ARFGAP3: variants seen among roughly 807,000 people sequenced by gnomAD.
ARFGAP3 encodes the protein ARF GTPase activating protein 3.
A neutral mutation model predicts 75.0 loss-of-function variants in ARFGAP3; 72 were observed. The observed-to-expected ratio is 0.96, with a 90% CI of 0.79 to 1.17. The LOEUF (loss-of-function observed/expected upper bound fraction) is 1.17. Among genes scored for constraint, ARFGAP3 ranks in the 50% most tolerant of loss-of-function variants. The probability of loss-of-function intolerance (pLI) is 0.00; values close to 1 mark genes in which losing one functional copy is unlikely to be tolerated. For missense variants in ARFGAP3, 620 were observed against 626.6 expected (o/e 0.99, Z 0.11); for synonymous variants, 221 against 217.9 (o/e 1.01, Z -0.13).
chr22:42,805,888 C>T (rs1218824173), intron 14 of ARFGAP3, among the ~76,000 whole-genome samples: 4 of 152,222 alleles, frequency 2.6e-5, no homozygotes, highest in Non-Finnish European at 4.4e-5. Flanking sequence ...GTCTCACTTG[C>T]TGCCACCTGG....
At chr22:42,831,832 G>A in intron 5 of ARFGAP3, 196 bp from the exon 6 acceptor site, 1 of 760,042 alleles carries the variant, frequency 1.3e-6, no homozygotes, top group Non-Finnish European at 1.6e-6. Flanking sequence ...GCCCAGGCTA[G>A]AGTGCAGAAG....
Position 42,798,824 on chromosome 22 carries a change from T to C in ARFGAP3, c.1533+215A>G, listed in dbSNP as rs569482636. 4.6e-5 allele frequency among the ~76,000 whole-genome samples: 7 copies of C among 152,338 alleles called. No homozygotes were observed. In the South Asian group the frequency reaches 1.4e-3, roughly 32 times the overall value. ...AAAACTGGACAATGGTCATGACAAT[T>C]CCTCTAACAATTCCCCTAGAGTCAT... is the stretch of plus-strand genomic sequence containing the variant. On this transcript the variant is annotated intron_variant, in intron 15 of 15. Transcript: ENST00000263245.
intron 9 of ARFGAP3, among the ~76,000 whole-genome samples, chr22:42,819,950 G>A (rs999388716): frequency 1.3e-4 from 20 of 152,234 alleles, no homozygotes; most frequent in African/African-American, 3.4e-4. Context: ...TAAATCTTCC[G>A]ATCTGCATCT....
At position 42,808,803 on chromosome 22, in the gene ARFGAP3, T is replaced by C. The variant is rs142070942; in HGVS notation, c.1284A>G (p.Ser428=). 2 of 1,613,724 alleles carry C rather than the reference T, an allele frequency of 1.2e-6. No individual in the cohort carries two copies. The highest frequency in any genetic ancestry group is 1.7e-5 in the Admixed American group (1 of 59,998). ...QKKFGNVKAI[S]SDMYFGRQSQ... ...ATTGTCTTCCAAAATACATATCTGA[T>C]GAAATGGCCTTGACATTGCCAAACT... Residue 428 remains serine (S), a synonymous_variant, in exon 13 of 16, where the codon TCA becomes TCG. Coordinates refer to ENST00000263245, the MANE Select transcript of ARFGAP3 (RefSeq NM_014570.5).
chr22:42,836,973 A>T (rs1926546333), intron 3 of ARFGAP3, among the ~76,000 whole-genome samples: 1 of 152,214 alleles, frequency 6.6e-6, no homozygotes, highest in African/African-American at 2.4e-5. Context: ...AAACCGAATG[A>T]CCACTCATCT....
rs370470097 is a variant in ARFGAP3, at chr22:42,840,996, T to C, written c.209A>G (p.Asn70Ser). The C allele has an allele frequency of 1.1e-5, 18 of 1,614,044 alleles. No individual in the cohort carries two copies. Among genetic ancestry groups the C allele is most frequent in the East Asian group, 2.2e-5 (1 of 44,898 alleles). Residue 70 changes from asparagine (N) to serine (S), a missense_variant, in exon 3 of 16, where the codon AAC (asparagine) becomes AGC (serine). Coordinates refer to ENST00000263245, the MANE Select transcript of ARFGAP3 (RefSeq NM_014570.5). ...GCATCGCAACTGAAACCATGACCAG[T>C]TGGAATCCAACTCTGTAGATCTAAA... is the stretch of plus-strand genomic sequence containing the variant. ...SFIRSTELDS[N>S]WSWFQLRCMQ...
At chr22:42,837,634 A>C (rs1307194056) in intron 3 of ARFGAP3, among the ~76,000 whole-genome samples, 147 of 149,080 alleles carry the variant, frequency 9.9e-4, no homozygotes, top group African/African-American at 3.4e-3. Context: ...AAAAAAAAAA[A>C]AAAAACCAAA....
chr22:42,854,841 G>T (rs1170796094), intron 1 of ARFGAP3, among the ~76,000 whole-genome samples: 10 of 152,106 alleles, frequency 6.6e-5, no homozygotes, highest in Non-Finnish European at 1.5e-4. Context: ...GTTTAGGTAA[G>T]GGTTTCAAAC....
chr22:42,845,326 A>C (rs5758978), intron 2 of ARFGAP3, among the ~76,000 whole-genome samples: 26,690 of 150,964 alleles, frequency 0.18, 3,711 homozygotes, highest in East Asian at 0.56. Flanking sequence ...GGAGTTCAAG[A>C]CCAACCTGGC....
intron 14 of ARFGAP3, among the ~76,000 whole-genome samples, chr22:42,799,529 C>T (rs545036691): frequency 2.2e-4 from 33 of 152,302 alleles, no homozygotes; most frequent in East Asian, 5.8e-4. Context: ...TGGGCCAACA[C>T]GGATGGCCTG....
chr22:42,830,781 T>C (rs1300834797), intron 6 of ARFGAP3, among the ~76,000 whole-genome samples: 2 of 152,238 alleles, frequency 1.3e-5, no homozygotes, highest in Admixed American at 1.3e-4. Context: ...TTTTTGATGA[T>C]AAAAGTAACC....
chr22:42,824,414 T>C (rs1322591542), intron 7 of ARFGAP3, among the ~76,000 whole-genome samples: 1 of 151,996 alleles, frequency 6.6e-6, no homozygotes, highest in African/African-American at 2.4e-5. Flanking sequence ...TGGAGTGTAG[T>C]AGTGTGATCA....
At chr22:42,845,434 G>A (rs777404944) in intron 2 of ARFGAP3, among the ~76,000 whole-genome samples, 6 of 151,068 alleles carry the variant, frequency 4.0e-5, no homozygotes, top group Non-Finnish European at 8.8e-5. Context: ...CTGAGGGCAG[G>A]AGAATCATTT....
chr22:42,846,290 T>C (rs1230099012), intron 2 of ARFGAP3, among the ~76,000 whole-genome samples: 1 of 152,244 alleles, frequency 6.6e-6, no homozygotes, highest in Non-Finnish European at 1.5e-5. Flanking sequence ...GAGGGTGCTC[T>C]GCACAAGTTG....
intron 15 of ARFGAP3, among the ~76,000 whole-genome samples, chr22:42,798,411 T>G (rs2146519101): frequency 6.6e-6 from 1 of 152,360 alleles, no homozygotes; most frequent in Non-Finnish European, 1.5e-5. Flanking sequence ...ACAATCCTTC[T>G]TCAATAGCCT....
chr22:42,798,057 G>A (rs1924684122), intron 15 of ARFGAP3, among the ~76,000 whole-genome samples: 1 of 152,194 alleles, frequency 6.6e-6, no homozygotes, highest in South Asian at 2.1e-4. Flanking sequence ...GTAAAATGGG[G>A]ATATAAAAGG....
intron 9 of ARFGAP3, among the ~76,000 whole-genome samples, chr22:42,819,849 G>C (rs77888035): frequency 0.011 from 1,609 of 152,352 alleles, 28 homozygotes; most frequent in African/African-American, 0.036. Flanking sequence ...CTACGGGTTT[G>C]AGTGGCAGTG....
chr22:42,837,114 G>A (rs1244769003), intron 3 of ARFGAP3, among the ~76,000 whole-genome samples: 1 of 152,150 alleles, frequency 6.6e-6, no homozygotes, highest in Non-Finnish European at 1.5e-5. Flanking sequence ...AACCAACAGT[G>A]CTAAGTTTAG....
chr22:42,815,651 C>T (rs1025676916), intron 11 of ARFGAP3, among the ~76,000 whole-genome samples: 2 of 151,894 alleles, frequency 1.3e-5, no homozygotes, highest in African/African-American at 2.4e-5. Flanking sequence ...CATATGAAAA[C>T]GCTTCAAACC....
Sources: gnomAD v4.1 joint callset for allele counts (sites outside exome capture counted in the v4.1 genomes callset) on GRCh38, gnomAD v4.1.1 for gene constraint, MANE v1.5 for transcripts, NCBI Gene and HGNC (gene_info 2026-07-23, HGNC 2026-07-21) for gene names.